The following TSPAN18 variants were observed in gnomAD, a reference collection of about 807,000 sequenced individuals.
The protein encoded by TSPAN18 is tetraspanin 18.
In TSPAN18, 14 loss-of-function variants were observed where a neutral mutation model predicts 27.3. The ratio of observed to expected loss-of-function variants is 0.51; its 90% CI spans 0.34 to 0.80. The LOEUF is 0.80. Among genes scored for constraint, TSPAN18 ranks in the 30% least tolerant of loss-of-function variants. TSPAN18 has a pLI of 0.01. For missense variants in TSPAN18, 268 were observed against 323.9 expected, an observed-to-expected ratio of 0.83 and a Z score of 1.32; for synonymous variants, 143 against 136.5, an observed-to-expected ratio of 1.05 and a Z score of -0.33.
Position 44,929,282 on chromosome 11 carries a change from A to G in TSPAN18, c.*104A>G. On this transcript the variant is annotated 3_prime_UTR_variant, in exon 10 of 10. Coordinates refer to ENST00000520358, the MANE Select transcript of TSPAN18 (RefSeq NM_130783.5). ...TGTCCTCTTGGCCCCAGGGGAGAAG[A>G]TGAGGCCATCAGAGATGGCCAGGAG... 6.9e-7 allele frequency: 1 copy of G among 1,445,830 alleles called. No individual in the cohort carries two copies. Among genetic ancestry groups the G allele is most frequent in the Non-Finnish European group, 9.6e-7 (1 of 1,040,036 alleles). The allele number at this position is 1,445,830 out of a possible 1,614,324, so 89.6% of individuals were successfully genotyped here.
intron 2 of TSPAN18, among the ~76,000 whole-genome samples, chr11:44,832,715 C>T (rs1383830290): frequency 6.6e-6 from 1 of 152,198 alleles, no homozygotes; most frequent in Admixed American, 6.5e-5. Context: ...GTTCCTCCTT[C>T]TTCGATCCTT....
intron 2 of TSPAN18, among the ~76,000 whole-genome samples, chr11:44,832,244 C>T (rs147716729): frequency 1.3e-5 from 2 of 152,290 alleles, no homozygotes; most frequent in East Asian, 1.9e-4. Flanking sequence ...AGCCCACCTC[C>T]GAGCCACCTC....
intron 2 of TSPAN18, among the ~76,000 whole-genome samples, chr11:44,825,718 G>T (rs835829): frequency 0.034 from 5,122 of 152,250 alleles, 170 homozygotes; most frequent in African/African-American, 0.073. Flanking sequence ...TGAAGCGGGG[G>T]TTGGCTGGGT....
chr11:44,918,593 A>G (rs1014659241), intron 6 of TSPAN18, among the ~76,000 whole-genome samples: 2 of 150,952 alleles, frequency 1.3e-5, no homozygotes, highest in African/African-American at 4.9e-5. Flanking sequence ...GGCAGGAGAC[A>G]CAAAATGGCC....
At chr11:44,780,253 A>G (rs1855907873) in intron 2 of TSPAN18, among the ~76,000 whole-genome samples, 1 of 152,156 alleles carries the variant, frequency 6.6e-6, no homozygotes, top group African/African-American at 2.4e-5. Flanking sequence ...AAGCTATTAG[A>G]TGAAATTGAT....
At chr11:44,777,072 G>T (rs551365310) in intron 2 of TSPAN18, among the ~76,000 whole-genome samples, 48 of 152,260 alleles carry the variant, frequency 3.2e-4, no homozygotes, top group Middle Eastern at 3.4e-3. Context: ...GAGACCTGAG[G>T]GTAGCTTAGG....
chr11:44,811,202 G>A (rs1856708984), intron 2 of TSPAN18, among the ~76,000 whole-genome samples: 3 of 149,108 alleles, frequency 2.0e-5, no homozygotes, highest in Non-Finnish European at 4.4e-5. Flanking sequence ...TCATACTGTA[G>A]CCACAGCTTT....
At chr11:44,742,577 A>G (rs1384407936) in intron 1 of TSPAN18, among the ~76,000 whole-genome samples, 1 of 152,114 alleles carries the variant, frequency 6.6e-6, no homozygotes, top group Non-Finnish European at 1.5e-5. Context: ...GAGCTCTCCC[A>G]GGTCCCTGAC....
At chr11:44,744,281 G>C (rs1445188631) in intron 1 of TSPAN18, among the ~76,000 whole-genome samples, 1 of 152,208 alleles carries the variant, frequency 6.6e-6, no homozygotes, top group Non-Finnish European at 1.5e-5. Context: ...TTCTAGCCCA[G>C]AGATCAACAG....
At chr11:44,843,510 T>C (rs1430401728) in intron 2 of TSPAN18, among the ~76,000 whole-genome samples, 1 of 152,232 alleles carries the variant, frequency 6.6e-6, no homozygotes, top group African/African-American at 2.4e-5. Context: ...CCATTGTCAT[T>C]GATACCATCT....
chr11:44,751,018 AAGAG>A (rs1375846545), intron 1 of TSPAN18, among the ~76,000 whole-genome samples: 2 of 152,174 alleles, frequency 1.3e-5, no homozygotes, highest in Non-Finnish European at 2.9e-5. Context: ...AGTGTGGCCA[AAGAG>A]AGAGAGGGAG....
intron 2 of TSPAN18, among the ~76,000 whole-genome samples, chr11:44,836,404 A>G (rs1282470023): frequency 2.0e-5 from 3 of 152,352 alleles, no homozygotes; most frequent in East Asian, 3.9e-4. Flanking sequence ...AGAGGTGAGG[A>G]AGCTGCAGAA....
chr11:44,743,569 A>G (rs972910822), intron 1 of TSPAN18, among the ~76,000 whole-genome samples: 3 of 152,202 alleles, frequency 2.0e-5, no homozygotes, highest in South Asian at 2.1e-4. Context: ...GGAACAGCCG[A>G]GTCCTCGGAA....
chr11:44,921,049 C>T (rs943324022), intron 8 of TSPAN18, among the ~76,000 whole-genome samples: 7 of 152,204 alleles, frequency 4.6e-5, no homozygotes, highest in African/African-American at 1.4e-4. Flanking sequence ...TTTCCAGCCT[C>T]AGCTCTGCCC....
chr11:44,867,158 T>A (rs1858059403), intron 3 of TSPAN18, among the ~76,000 whole-genome samples: 1 of 151,998 alleles, frequency 6.6e-6, no homozygotes, highest in South Asian at 2.1e-4. Context: ...ATATGCAGAT[T>A]TTCAGACCTC....
intron 5 of TSPAN18, among the ~76,000 whole-genome samples, chr11:44,911,620 C>T (rs1859717519): frequency 1.3e-5 from 2 of 152,168 alleles, no homozygotes; most frequent in Admixed American, 1.3e-4. Context: ...CAGACCCAGC[C>T]TCCCTTTCCC....
At chr11:44,789,470 CCA>C (rs1856139281) in intron 2 of TSPAN18, among the ~76,000 whole-genome samples, 1 of 152,090 alleles carries the variant, frequency 6.6e-6, no homozygotes, top group African/African-American at 2.4e-5. Context: ...TCTCTGAGCC[CCA>C]GTTTCCACAC....
At chr11:44,844,327 A>G (rs866009784) in intron 2 of TSPAN18, among the ~76,000 whole-genome samples, 1 of 151,868 alleles carries the variant, frequency 6.6e-6, no homozygotes, top group Non-Finnish European at 1.5e-5. Flanking sequence ...AATCTAGTCC[A>G]TGTCTTTTAG....
intron 2 of TSPAN18, among the ~76,000 whole-genome samples, chr11:44,832,666 G>T (rs1462000681): frequency 6.6e-6 from 1 of 152,172 alleles, no homozygotes; most frequent in Non-Finnish European, 1.5e-5. Context: ...CTGGGGAACA[G>T]CTGTCCTAGT....
Sources: gnomAD v4.1 joint callset for allele counts (sites outside exome capture counted in the v4.1 genomes callset) on GRCh38, gnomAD v4.1.1 for gene constraint, MANE v1.5 for transcripts, NCBI Gene and HGNC (gene_info 2026-07-23, HGNC 2026-07-21) for gene names.